The following SORBS2 variants were observed in gnomAD, a reference collection of about 807,000 sequenced individuals.
SORBS2 encodes the protein sorbin and SH3 domain-containing protein 2.
Under a neutral mutation model 97.7 loss-of-function variants are expected in SORBS2, and 46 were observed. That is an observed-to-expected ratio of 0.47 (90% CI 0.37 to 0.60). SORBS2 has a LOEUF of 0.60. SORBS2 is among the 20% of genes least tolerant of loss of function. The pLI, the probability that SORBS2 is intolerant of heterozygous loss-of-function variation, is 0.00. For synonymous variants in SORBS2, 476 were observed against 473.4 expected, an observed-to-expected ratio of 1.01 and a Z score of -0.07; for missense variants, 1,316 against 1,282.3, an observed-to-expected ratio of 1.03 and a Z score of -0.40.
At chr4:185,611,921 T>A (rs189336645) in exon 12 of SORBS2, 20 of 1,614,032 alleles carry the variant, frequency 1.2e-5, no homozygotes, top group Non-Finnish European at 1.6e-5. Flanking sequence ...TGTTGGTTCC[T>A]GGGATTTTAC....
intron 12 of SORBS2, among the ~76,000 whole-genome samples, chr4:185,597,878 T>C (rs2096151331): frequency 6.6e-6 from 1 of 152,204 alleles, no homozygotes; most frequent in African/African-American, 2.4e-5. Context: ...TTTAAAAGCC[T>C]ATTTTAAAGG....
intron 2 of SORBS2, chr4:185,740,410 T>C (rs138192104): frequency 4.9e-4 from 74 of 152,314 alleles, no homozygotes; most frequent in African/African-American, 1.7e-3. Context: ...CACTGTGGAG[T>C]GGGCAGGCCA....
chr4:185,676,446 G>A (rs1410869749), intron 4 of SORBS2, among the ~76,000 whole-genome samples: 1 of 152,108 alleles, frequency 6.6e-6, no homozygotes, highest in East Asian at 1.9e-4. Flanking sequence ...CTGAAAGTCT[G>A]GATAATAAAA....
chr4:185,657,196 G>A (rs2097421014), upstream of SORBS2: 2 of 386,636 alleles, frequency 5.2e-6, no homozygotes, highest in Non-Finnish European at 8.8e-6. Context: ...TAACAAAATC[G>A]CAATGTTCAT....
intron 1 of SORBS2, among the ~76,000 whole-genome samples, chr4:185,848,618 CTTTTTTTTTTTTT>C (rs537195530): frequency 1.0e-3 from 79 of 75,630 alleles, no homozygotes; most frequent in African/African-American, 4.3e-3. Context: ...AAGGATATCT[CTTTTTTTTTTTTT>C]TTTTTTTTTT....
chr4:185,877,448 C>A (rs1460039528), intron 1 of SORBS2, among the ~76,000 whole-genome samples: 1 of 152,128 alleles, frequency 6.6e-6, no homozygotes, highest in Non-Finnish European at 1.5e-5. Context: ...AGTACACAAG[C>A]AATCAGCATC....
chr4:185,763,240 C>G lies in SORBS2; in HGVS notation c.-198+11987G>C, dbSNP rs765210924. ...AGCAGGTACAAGAAGATCACTCTGA[C>G]CTTCCTTCTGTTTCTGAAAAGCAGG... On this transcript the variant is annotated intron_variant, in intron 2 of 20. Coordinates refer to the SORBS2 transcript ENST00000284776. 5.3e-5 allele frequency among the ~76,000 whole-genome samples: 8 copies of G among 152,156 alleles called. No individual in the cohort carries two copies. The East Asian group carries it at 1.5e-3, about 29-fold the overall frequency.
upstream of SORBS2, chr4:185,657,617 C>T: frequency 6.3e-7 from 1 of 1,585,278 alleles, no homozygotes; most frequent in Non-Finnish European, 8.6e-7. Flanking sequence ...AATTTGGTAA[C>T]ATGGAACGTA....
chr4:185,690,246 AT>A (rs1046254889), intron 2 of SORBS2, among the ~76,000 whole-genome samples: 10 of 152,318 alleles, frequency 6.6e-5, no homozygotes, highest in African/African-American at 2.4e-4. Context: ...AATTTAGCCT[AT>A]TTTTAAGTGA....
chr4:185,844,955 G>A (rs760741577), intron 1 of SORBS2, among the ~76,000 whole-genome samples: 2 of 151,860 alleles, frequency 1.3e-5, no homozygotes, highest in South Asian at 2.1e-4. Context: ...TGGGGCTGGC[G>A]AAAGAGAAGA....
At chr4:185,734,512 C>T (rs12512764) in intron 2 of SORBS2, among the ~76,000 whole-genome samples, 13,761 of 152,170 alleles carry the variant, frequency 0.09, 943 homozygotes, top group East Asian at 0.32. Flanking sequence ...TCCTTGCCCC[C>T]TATTTCATAC....
chr4:185,731,427 C>A (rs989233228), intron 2 of SORBS2, among the ~76,000 whole-genome samples: 9 of 150,238 alleles, frequency 6.0e-5, no homozygotes, highest in African/African-American at 2.3e-4. Context: ...CAAGCACTGG[C>A]TTTTAGAAAG....
intron 1 of SORBS2, among the ~76,000 whole-genome samples, chr4:185,803,059 T>C (rs923337017): frequency 3.9e-5 from 6 of 152,256 alleles, no homozygotes; most frequent in Admixed American, 3.3e-4. Context: ...AGTGATCCCA[T>C]TGGTAACAAA....
chr4:185,618,703 C>T, intron 8 of SORBS2, 72 bp from the exon 21 acceptor site: 3 of 970,676 alleles, frequency 3.1e-6, no homozygotes, highest in Non-Finnish European at 4.6e-6. Flanking sequence ...TTTAATGTGC[C>T]TTAAAGAAAA....
chr4:185,611,068 C>T (rs1025383332), intron 12 of SORBS2, among the ~76,000 whole-genome samples: 18 of 152,072 alleles, frequency 1.2e-4, no homozygotes, highest in African/African-American at 4.3e-4. Context: ...GAAAGATAAT[C>T]ATCTTTAGCC....
chr4:185,616,288 A>T (rs1399128194), intron 9 of SORBS2, among the ~76,000 whole-genome samples: 1 of 152,220 alleles, frequency 6.6e-6, no homozygotes, highest in Non-Finnish European at 1.5e-5. Flanking sequence ...AATCGAAAAA[A>T]TGGTGGTATA....
chr4:185,919,536 G>T (rs1233552459), intron 1 of SORBS2: 1 of 152,188 alleles, frequency 6.6e-6, no homozygotes, highest in Non-Finnish European at 1.5e-5. Flanking sequence ...TAAGTGAGGT[G>T]ATATAAACTG....
chr4:185,844,338 G>A (rs756237776), intron 1 of SORBS2, among the ~76,000 whole-genome samples: 11 of 152,124 alleles, frequency 7.2e-5, no homozygotes, highest in East Asian at 1.9e-4. Context: ...GCGAATGATC[G>A]GCAGACACAC....
At chr4:185,731,854 CTCTCTCTCTCTCTATA>C (rs2098637449) in intron 2 of SORBS2, among the ~76,000 whole-genome samples, 1 of 33,776 alleles carries the variant, frequency 3.0e-5, no homozygotes, top group African/African-American at 1.2e-4. Flanking sequence ...CTCTCTCTCT[CTCTCTCTCTCTCTATA>C]TATATATATA....
Sources: gnomAD v4.1 joint callset for allele counts (sites outside exome capture counted in the v4.1 genomes callset) on GRCh38, gnomAD v4.1.1 for gene constraint, MANE v1.5 for transcripts, NCBI Gene and HGNC (gene_info 2026-07-23, HGNC 2026-07-21) for gene names.